Variants in SCN1A observed in about 807,000 individuals in gnomAD.
SCN1A encodes sodium channel protein type 1 subunit alpha.
SCN1A carries 13 observed loss-of-function variants against 193.7 expected under a neutral mutation model. The ratio of observed to expected loss-of-function variants is 0.07; its 90% CI spans 0.04 to 0.11. The LOEUF is 0.11. Among genes scored for constraint, SCN1A ranks in the 10% least tolerant of loss-of-function variants. The pLI, the probability that SCN1A is intolerant of heterozygous loss-of-function variation, is 1.00. For missense variants in SCN1A, 1,432 were observed against 2,451.1 expected, an observed-to-expected ratio of 0.58 and a Z score of 8.78; for synonymous variants, 781 against 843.6, an observed-to-expected ratio of 0.93 and a Z score of 1.29.
chr2:166,044,090 A>G (rs1469150847), intron 13 of SCN1A, 41 bp from the exon 14 acceptor site: 3 of 1,609,192 alleles, frequency 1.9e-6, no homozygotes, highest in Non-Finnish European at 2.5e-6. Context: ...TCATATTAAT[A>G]TGGACATTTG....
In SCN1A at chr2:166,043,891, G is replaced by A. The variant is rs1574217006; in HGVS notation, c.1821C>T (p.Ser607=). The A allele has an allele frequency of 2.5e-6, 4 of 1,614,044 alleles. No individual in the cohort carries two copies. Among genetic ancestry groups the A allele is most frequent in the Non-Finnish European group, 3.4e-6 (4 of 1,180,024 alleles). ...CTCCGTGTCGTCGGGGCACAAACAAGGAATCTCTACGGCTCTCGTTATCCT... is the reference window on the plus strand; with the variant it reads ...CTCCGTGTCGTCGGGGCACAAACAAAGAATCTCTACGGCTCTCGTTATCCT... ...TFEDNESRRD[S]LFVPRRHGER... is the part of the protein sequence containing the mutation. Residue 607 remains serine (S), a synonymous_variant, in exon 14 of 29, where the codon TCC becomes TCT. Transcript: ENST00000674923.
At chr2:166,062,854 ATTAG>A (rs1683456525) in intron 4 of SCN1A, among the ~76,000 whole-genome samples, 1 of 96,414 alleles carries the variant, frequency 1.0e-5, no homozygotes, top group African/African-American at 3.4e-5. Flanking sequence ...TTTAAATCTA[ATTAG>A]TTCAACAAAG....
At chr2:166,026,441 C>G (rs1442816302) in intron 19 of SCN1A, among the ~76,000 whole-genome samples, 1 of 152,008 alleles carries the variant, frequency 6.6e-6, no homozygotes, top group Non-Finnish European at 1.5e-5. Context: ...AAGTCCACCT[C>G]TATGTTAGCA....
chr2:166,087,370 G>A (rs369524774), intron 2 of SCN1A, among the ~76,000 whole-genome samples: 50 of 152,198 alleles, frequency 3.3e-4, no homozygotes, highest in African/African-American at 1.1e-3. Context: ...GGAGGATGAG[G>A]CAGGAGAATC....
intron 2 of SCN1A, among the ~76,000 whole-genome samples, chr2:166,091,879 A>G (rs547952712): frequency 1.6e-4 from 24 of 152,294 alleles, no homozygotes; most frequent in African/African-American, 5.8e-4. Context: ...GAATGAATGA[A>G]TAACTGAATT....
chr2:166,004,600 T>G (rs189833612), intron 23 of SCN1A, among the ~76,000 whole-genome samples: 1 of 151,690 alleles, frequency 6.6e-6, no homozygotes, highest in East Asian at 2.0e-4. Context: ...GAAAGTTATT[T>G]ATTGGCTCTC....
At chr2:166,046,087 A>G (rs1697792830) in intron 12 of SCN1A, among the ~76,000 whole-genome samples, 1 of 152,218 alleles carries the variant, frequency 6.6e-6, no homozygotes, top group African/African-American at 2.4e-5. Flanking sequence ...ACTCTTGCAT[A>G]TAAATTAATA....
intron 1 of SCN1A, among the ~76,000 whole-genome samples, chr2:166,138,541 C>T (rs189761562): frequency 7.9e-5 from 12 of 152,288 alleles, no homozygotes; most frequent in Admixed American, 7.8e-4. Flanking sequence ...GGTGTTGAGC[C>T]GGCAAGTGCA....
intron 2 of SCN1A, among the ~76,000 whole-genome samples, chr2:166,125,897 A>G (rs1222125735): frequency 1.3e-5 from 2 of 152,190 alleles, no homozygotes; most frequent in Non-Finnish European, 2.9e-5. Flanking sequence ...CATGTAAACC[A>G]AGTCTATTAG....
intron 7 of SCN1A, chr2:166,053,237 G>C: frequency 1.6e-6 from 1 of 624,804 alleles, no homozygotes; most frequent in Non-Finnish European, 2.8e-6. Context: ...AATATTATAA[G>C]TGGTAAATCA....
chr2:166,026,770 G>A (rs755695773), intron 19 of SCN1A, among the ~76,000 whole-genome samples: 3 of 134,246 alleles, frequency 2.2e-5, no homozygotes, highest in Non-Finnish European at 3.1e-5. Context: ...TGCAAGCTCC[G>A]CCTCCCAGGT....
intron 2 of SCN1A, among the ~76,000 whole-genome samples, chr2:166,084,741 G>C (rs1017131044): frequency 1.2e-4 from 19 of 152,132 alleles, no homozygotes; most frequent in Non-Finnish European, 2.4e-4. Flanking sequence ...ACTCATGGTT[G>C]TATGGCAGAC....
rs757002972 is a variant in SCN1A at position 165,992,256 on chromosome 2, G to T, written c.5019C>A (p.Ile1673=). The T allele has an allele frequency of 1.9e-6, 3 of 1,613,832 alleles. No homozygotes were observed. Among genetic ancestry groups the T allele is most frequent in the Non-Finnish European group, 2.5e-6 (3 of 1,179,894 alleles). The change falls in exon 29 of 29, where the codon ATC becomes ATA. Residue 1673 remains isoleucine, a synonymous_variant. Transcript: ENST00000674923. This position sits in a 1 kb window ranked among gnomAD's most constrained non-coding sequence, Gnocchi z 6.5. ...LMMSLPALFN[I]GLLLFLVMFI... is the part of the protein sequence containing the mutation. ...ACATGACTAGGAAGAGTAGGAGGCC[G>T]ATGTTAAACAACGCAGGAAGGGACA...
chr2:166,016,614 C>G (rs1693341195), intron 19 of SCN1A: 1 of 151,996 alleles, frequency 6.6e-6, no homozygotes, highest in African/African-American at 2.4e-5. Flanking sequence ...TCATGACGCT[C>G]TTTCTGAAGA....
chr2:166,013,577 AG>A lies in SCN1A; in HGVS notation c.3705+166del, dbSNP rs139618094. The stretch of plus-strand genomic sequence containing the variant: ...AAATTATATTTACATACATAGTAAA[AG>A]TTAATCCAGAAATATAGAGTTATAG... On this transcript the variant is annotated intron_variant, in intron 21 of 28. Transcript: ENST00000674923. 7.3e-3 allele frequency among the ~76,000 whole-genome samples: 1,101 copies of A among 151,670 alleles called. 12 individuals carry two copies. The highest frequency in any genetic ancestry group is 0.024 in the Middle Eastern group (7 of 294).
intron 2 of SCN1A, among the ~76,000 whole-genome samples, chr2:166,117,344 T>C (rs1689979535): frequency 6.6e-6 from 1 of 152,276 alleles, no homozygotes; most frequent in Non-Finnish European, 1.5e-5. Flanking sequence ...GTATACTGAA[T>C]ATTAAAAATA....
chr2:166,091,852 C>G (rs115581950), intron 2 of SCN1A, among the ~76,000 whole-genome samples: 1 of 152,096 alleles, frequency 6.6e-6, no homozygotes, highest in Admixed American at 6.6e-5. Context: ...CCACAGTGTG[C>G]TCAGTAATTT....
chr2:166,109,861 A>G (rs527945115), intron 2 of SCN1A, among the ~76,000 whole-genome samples: 2 of 152,046 alleles, frequency 1.3e-5, no homozygotes, highest in Admixed American at 6.6e-5. Flanking sequence ...TAACCCTACT[A>G]TGTGGGTGGT....
chr2:166,014,847 G>T (rs1378048438), intron 20 of SCN1A, among the ~76,000 whole-genome samples: 1 of 151,586 alleles, frequency 6.6e-6, no homozygotes, highest in East Asian at 1.9e-4. Context: ...GTATATTATC[G>T]GGTAAATTAA....
Sources: allele counts gnomAD v4.1 joint callset (sites outside exome capture counted in the v4.1 genomes callset), GRCh38; gene constraint gnomAD v4.1.1; non-coding constraint Gnocchi (gnomAD v3.1); transcripts MANE v1.5; gene names NCBI Gene and HGNC (gene_info 2026-07-23, HGNC 2026-07-21).